Variants in SORD observed in about 807,000 individuals in gnomAD.
SORD encodes sorbitol dehydrogenase.
In SORD, 18 loss-of-function variants were observed where a neutral mutation model predicts 35.6. The observed-to-expected ratio is 0.51, with a 90% CI of 0.35 to 0.75. The LOEUF is 0.75. SORD is among the 30% of genes least tolerant of loss of function. The pLI, the probability that SORD is intolerant of heterozygous loss-of-function variation, is 0.01. For synonymous variants in SORD, 106 were observed against 152.9 expected (o/e 0.69, Z 2.26); for missense variants, 250 against 390.2 (o/e 0.64, Z 3.03).
intron 1 of SORD, among the ~76,000 whole-genome samples, chr15:45,027,222 G>A (rs796315848): frequency 0.2 from 29,516 of 147,508 alleles, no homozygotes; most frequent in African/African-American, 0.44. Context: ...TGATGACCAA[G>A]TTGATGTATA....
chr15:45,027,356 TCAA>T (rs1892692081), intron 1 of SORD, among the ~76,000 whole-genome samples: 1 of 152,290 alleles, frequency 6.6e-6, no homozygotes, highest in Admixed American at 6.5e-5. Flanking sequence ...GTTGTATGAC[TCAA>T]CAAATTATTT....
intron 2 of SORD, among the ~76,000 whole-genome samples, chr15:45,042,648 A>T (rs1892986686): frequency 6.6e-6 from 1 of 152,316 alleles, no homozygotes; most frequent in Middle Eastern, 3.4e-3. Flanking sequence ...CACGCGTAGC[A>T]TATTAATTGT....
intron 1 of SORD, among the ~76,000 whole-genome samples, chr15:45,029,031 T>C (rs1041128394): frequency 1.3e-5 from 2 of 152,240 alleles, no homozygotes; most frequent in African/African-American, 4.8e-5. Context: ...ATTACCCTGA[T>C]AGTGATGAGA....
Position 45,068,973 on chromosome 15 carries a change from T to C in SORD, c.707T>C (p.Val236Ala), listed in dbSNP as rs752900169. Reference sequence around the variant, plus strand: ...AGCCCTCAGGAAATCGCCAGGAAAGTAGAAGGTCAGCTGGGGTGCAAGCCG... The same window carrying C: ...AGCCCTCAGGAAATCGCCAGGAAAGCAGAAGGTCAGCTGGGGTGCAAGCCG... ...KESPQEIARK[V>A]EGQLGCKPEV... The change falls in exon 7 of 9, where the codon GTA (valine) becomes GCA (alanine). Residue 236 changes from valine (V) to alanine (A), a missense_variant. Coordinates refer to ENST00000267814, the MANE Select transcript of SORD (RefSeq NM_003104.6). 2 of 1,607,276 alleles carry C rather than the reference T, an allele frequency of 1.2e-6. No homozygotes were observed. Among genetic ancestry groups the C allele is most frequent in the East Asian group, 2.2e-5 (1 of 44,668 alleles).
chr15:45,062,122 A>G (rs1320413424), intron 4 of SORD, among the ~76,000 whole-genome samples: 3 of 150,258 alleles, frequency 2.0e-5, no homozygotes, highest in Non-Finnish European at 2.9e-5. Flanking sequence ...CCCTTGTGCT[A>G]ATAAGTGGTT....
At chr15:45,063,474 G>C (rs1490455030) in intron 4 of SORD, among the ~76,000 whole-genome samples, 1 of 151,898 alleles carries the variant, frequency 6.6e-6, no homozygotes, top group Non-Finnish European at 1.5e-5. Context: ...GGTGGAGTCA[G>C]TGGTTTTCCC....
chr15:45,059,672 T>C (rs897931456), intron 3 of SORD, among the ~76,000 whole-genome samples: 4 of 152,172 alleles, frequency 2.6e-5, no homozygotes, highest in African/African-American at 9.7e-5. Flanking sequence ...TAAAAAAATT[T>C]TTTTTGTAAA....
intron 3 of SORD, among the ~76,000 whole-genome samples, chr15:45,053,300 T>C (rs1175350081): frequency 1.3e-5 from 2 of 152,208 alleles, no homozygotes; most frequent in Non-Finnish European, 2.9e-5. Context: ...TATGAGATTC[T>C]GAACTCCCCA....
intron 1 of SORD, among the ~76,000 whole-genome samples, chr15:45,034,044 T>C (rs557480066): frequency 1.6e-3 from 243 of 152,144 alleles, no homozygotes; most frequent in African/African-American, 5.6e-3. Context: ...GTAATTTCTA[T>C]TTAACATGCT....
At chr15:45,065,179 G>A (rs915132746) in intron 4 of SORD, 92 bp from the exon 5 acceptor site, 1 of 1,172,272 alleles carries the variant, frequency 8.5e-7, no homozygotes, top group Non-Finnish European at 1.2e-6. Context: ...TGCTAGCTAT[G>A]GTTGTTATTA....
chr15:45,069,269 C>T (rs559279653), intron 7 of SORD, among the ~76,000 whole-genome samples: 2 of 132,494 alleles, frequency 1.5e-5, no homozygotes, highest in African/African-American at 2.8e-5. Flanking sequence ...TGCCGTGGCT[C>T]GATCTCAGCT....
At chr15:45,062,530 G>C (rs1438356598) in intron 4 of SORD, among the ~76,000 whole-genome samples, 2 of 151,890 alleles carry the variant, frequency 1.3e-5, no homozygotes, top group African/African-American at 4.8e-5. Context: ...CCAGTCACAG[G>C]AGCAGTCTGA....
chr15:45,058,054 A>G (rs1893245919), intron 3 of SORD, among the ~76,000 whole-genome samples: 1 of 152,230 alleles, frequency 6.6e-6, no homozygotes. Flanking sequence ...ATCCAACAAA[A>G]TTATATTCCC....
At chr15:45,041,183 C>T (rs71480273) in intron 2 of SORD, among the ~76,000 whole-genome samples, 9,178 of 151,660 alleles carry the variant, frequency 0.061, 366 homozygotes, top group South Asian at 0.1. Flanking sequence ...GAGGATAAAG[C>T]CCAGCCCACC....
In SORD at chr15:45,043,413, TA is replaced by T; in HGVS notation, c.261del (p.Lys87AsnfsTer68). ...VEKVGSSVKH[L>X]KPGDRVAIEP... ...AAAGTGGGATCATCGGTAAAGCACC[TA>T]AAACCAGGTCAGCAAGGTCCTTCGA... On this transcript the variant is annotated frameshift_variant, in exon 3 of 9. Transcript: ENST00000267814. LOFTEE classifies it high-confidence loss of function. The T allele has an allele frequency of 1.6e-6, 1 of 631,592 alleles. No homozygotes were observed. 39.1% of individuals were successfully genotyped at this position (631,592 alleles called of 1,614,324 possible). A position where few individuals can be genotyped will look rare whatever the true frequency, so the allele number is the denominator to read the frequency against.
At chr15:45,048,646 T>C (rs563269822) in intron 3 of SORD, among the ~76,000 whole-genome samples, 8 of 152,294 alleles carry the variant, frequency 5.3e-5, no homozygotes, top group African/African-American at 1.9e-4. Flanking sequence ...AGGGTCAACA[T>C]AGCAATCTCA....
intron 3 of SORD, among the ~76,000 whole-genome samples, chr15:45,055,956 C>T (rs1893208064): frequency 6.6e-6 from 1 of 151,918 alleles, no homozygotes; most frequent in Non-Finnish European, 1.5e-5. Context: ...ATGCTAAAAA[C>T]TCTCAATAAA....
At chr15:45,067,065 C>T (rs535250774) in intron 5 of SORD, among the ~76,000 whole-genome samples, 5 of 152,160 alleles carry the variant, frequency 3.3e-5, no homozygotes, top group African/African-American at 1.2e-4. Context: ...TTTACCTACT[C>T]TTTTTTAAAA....
At chr15:45,036,261 G>T in intron 1 of SORD, 1 of 447,698 alleles carries the variant, frequency 2.2e-6, no homozygotes, top group South Asian at 1.6e-5. Flanking sequence ...ACCAATTCCG[G>T]ACACAAAGAG....
Sources: allele counts gnomAD v4.1 joint callset (sites outside exome capture counted in the v4.1 genomes callset), GRCh38; gene constraint gnomAD v4.1.1; transcripts MANE v1.5; gene names NCBI Gene and HGNC (gene_info 2026-07-23, HGNC 2026-07-21).